The following AFF3 variants were observed in gnomAD, a reference collection of about 807,000 sequenced individuals.
AFF3 encodes the protein ALF transcription elongation factor 3.
AFF3 carries 32 observed loss-of-function variants against 129.7 expected under a neutral mutation model. The observed-to-expected ratio is 0.25, with a 90% CI of 0.19 to 0.33. The LOEUF (loss-of-function observed/expected upper bound fraction) is 0.33, where lower values mean the gene tolerates loss of function less well. Ranked by LOEUF, AFF3 falls within the 10% of genes least tolerant of loss-of-function variation. The pLI is 1.00. For synonymous variants in AFF3, 644 were observed against 635.4 expected (o/e 1.01, Z -0.20); for missense variants, 1,373 against 1,592.0 (o/e 0.86, Z 2.34).
At chr2:100,045,709 C>T (rs28499010) in intron 4 of AFF3, among the ~76,000 whole-genome samples, 3,140 of 152,154 alleles carry the variant, frequency 0.021, 119 homozygotes, top group African/African-American at 0.072. Context: ...GTATACTCCA[C>T]AGGAAGATGG....
intron 7 of AFF3, among the ~76,000 whole-genome samples, chr2:99,960,401 G>A (rs79306240): frequency 2.0e-5 from 3 of 151,498 alleles, no homozygotes; most frequent in Admixed American, 6.6e-5. Flanking sequence ...AAAAAAAAAA[G>A]TACCGTAGTC....
intron 4 of AFF3, among the ~76,000 whole-genome samples, chr2:100,031,154 T>C (rs1449955079): frequency 6.6e-6 from 1 of 152,212 alleles, no homozygotes; most frequent in African/African-American, 2.4e-5. Context: ...AGGAACTTCA[T>C]ATAAATATCA....
intron 7 of AFF3, among the ~76,000 whole-genome samples, chr2:99,893,709 T>A (rs546723400): frequency 6.6e-6 from 1 of 152,206 alleles, no homozygotes; most frequent in East Asian, 1.9e-4. Flanking sequence ...TCACTGATGG[T>A]TTTATAAACT....
At chr2:99,894,771 G>A (rs765482172) in intron 7 of AFF3, among the ~76,000 whole-genome samples, 23 of 151,962 alleles carry the variant, frequency 1.5e-4, no homozygotes, top group Non-Finnish European at 2.6e-4. Context: ...CACTGCACCC[G>A]GCCAGGAAAA....
chr2:99,639,807 C>T (rs891561880), intron 13 of AFF3, among the ~76,000 whole-genome samples: 1 of 151,774 alleles, frequency 6.6e-6, no homozygotes, highest in African/African-American at 2.4e-5. Context: ...CCTGCCTCAG[C>T]CTCTCGAGTA....
intron 22 of AFF3, 27 bp from the exon 23 acceptor site, chr2:99,554,759 T>G (rs770910680): frequency 6.2e-7 from 1 of 1,613,676 alleles, no homozygotes; most frequent in Non-Finnish European, 8.5e-7. Context: ...ACACTGACAG[T>G]GAGTGCCATC....
intron 4 of AFF3, among the ~76,000 whole-genome samples, chr2:100,035,087 T>C (rs770930922): frequency 6.6e-6 from 1 of 152,170 alleles, no homozygotes; most frequent in Non-Finnish European, 1.5e-5. Flanking sequence ...TGTCCAACCA[T>C]GGCTCTCTCT....
At chr2:99,823,951 C>T (rs757597846) in intron 8 of AFF3, among the ~76,000 whole-genome samples, 18 of 152,028 alleles carry the variant, frequency 1.2e-4, no homozygotes, top group East Asian at 1.9e-4. Context: ...GACTACCAAA[C>T]GGCAGGGGCT....
intron 2 of AFF3, among the ~76,000 whole-genome samples, chr2:100,122,151 T>C (rs1692007108): frequency 6.6e-6 from 1 of 152,376 alleles, no homozygotes; most frequent in Non-Finnish European, 1.5e-5. Context: ...AAGAGACTGG[T>C]ACATCATGAC....
intron 7 of AFF3, among the ~76,000 whole-genome samples, chr2:99,971,243 C>T (rs1019632408): frequency 6.6e-5 from 10 of 152,152 alleles, no homozygotes; most frequent in African/African-American, 2.4e-4. Context: ...CTCTTTCTGC[C>T]CAGGTCTCCG....
intron 11 of AFF3, among the ~76,000 whole-genome samples, chr2:99,711,692 T>C (rs183965609): frequency 6.6e-6 from 1 of 152,360 alleles, no homozygotes; most frequent in East Asian, 1.9e-4. Flanking sequence ...CCATCCTTTG[T>C]AGTATCCTGC....
chr2:99,890,506 T>C (rs1245170809), intron 7 of AFF3, among the ~76,000 whole-genome samples: 2 of 152,208 alleles, frequency 1.3e-5, no homozygotes, highest in African/African-American at 4.8e-5. Flanking sequence ...AAGCCTTGCC[T>C]GGACAGTCAC....
At chr2:99,995,620 C>A (rs1216062363) in intron 7 of AFF3, among the ~76,000 whole-genome samples, 1 of 152,140 alleles carries the variant, frequency 6.6e-6, no homozygotes, top group Non-Finnish European at 1.5e-5. Context: ...GACCCACCCA[C>A]CTCGGCCTCC....
chr2:99,716,291 A>G (rs1329054530), intron 11 of AFF3, among the ~76,000 whole-genome samples: 2 of 152,144 alleles, frequency 1.3e-5, no homozygotes, highest in Non-Finnish European at 2.9e-5. Context: ...TGAGATGGTT[A>G]TTGTCTCTAG....
intron 7 of AFF3, among the ~76,000 whole-genome samples, chr2:99,854,157 G>C (rs925150835): frequency 6.6e-6 from 1 of 151,838 alleles, no homozygotes; most frequent in African/African-American, 2.4e-5. Flanking sequence ...CGGACCTGAG[G>C]GAAGTCAGGC....
At chr2:99,589,820 C>T (rs549062846) in intron 15 of AFF3, among the ~76,000 whole-genome samples, 7 of 152,240 alleles carry the variant, frequency 4.6e-5, no homozygotes, top group South Asian at 2.1e-4. Flanking sequence ...AAAATGAAAA[C>T]GCTGGGCCCT....
intron 20 of AFF3, 41 bp from the exon 21 acceptor site, chr2:99,560,477 A>T: frequency 6.4e-7 from 1 of 1,571,606 alleles, no homozygotes; most frequent in Non-Finnish European, 8.7e-7. Flanking sequence ...AAAAAACATA[A>T]AAAGCAAAGA....
At chr2:99,763,024 A>G (rs1682742767) in intron 8 of AFF3, among the ~76,000 whole-genome samples, 1 of 152,274 alleles carries the variant, frequency 6.6e-6, no homozygotes, top group Non-Finnish European at 1.5e-5. Flanking sequence ...AAATGCTGGC[A>G]GCTAATGCCA....
At chr2:100,030,152 A>G (rs1684379532) in intron 4 of AFF3, among the ~76,000 whole-genome samples, 1 of 152,066 alleles carries the variant, frequency 6.6e-6, no homozygotes, top group Admixed American at 6.6e-5. Flanking sequence ...TTTTAAAAGT[A>G]GACTTGAGCC....
Sources: gnomAD v4.1 joint callset for allele counts (sites outside exome capture counted in the v4.1 genomes callset) on GRCh38, gnomAD v4.1.1 for gene constraint, MANE v1.5 for transcripts, NCBI Gene and HGNC (gene_info 2026-07-23, HGNC 2026-07-21) for gene names.